STAG1: variants seen among roughly 807,000 people sequenced by gnomAD.
STAG1 encodes the protein STAG1 cohesin complex component.
A neutral mutation model predicts 170.9 loss-of-function variants in STAG1; 26 were observed. The observed-to-expected ratio is 0.15, with a 90% CI of 0.11 to 0.21. STAG1 has a LOEUF of 0.21. Ranked by LOEUF, STAG1 falls within the 10% of genes least tolerant of loss-of-function variation. The pLI, the probability that STAG1 is intolerant of heterozygous loss-of-function variation, is 1.00. For synonymous variants in STAG1, 514 were observed against 497.7 expected (o/e 1.03, Z -0.44); for missense variants, 964 against 1,509.5 (o/e 0.64, Z 5.99).
chr3:136,381,245 A>T (rs767540284), intron 22 of STAG1, among the ~76,000 whole-genome samples: 3 of 152,102 alleles, frequency 2.0e-5, no homozygotes, highest in Non-Finnish European at 4.4e-5. Context: ...AGTGGATGAG[A>T]CTGCTCAAGG....
intron 29 of STAG1, among the ~76,000 whole-genome samples, chr3:136,348,219 T>C (rs1302233722): frequency 1.3e-5 from 2 of 151,912 alleles, no homozygotes; most frequent in African/African-American, 4.8e-5. Flanking sequence ...TTTGAGAAAA[T>C]AAGCATTTTT....
intron 9 of STAG1, among the ~76,000 whole-genome samples, chr3:136,487,223 T>C (rs2090035911): frequency 6.6e-6 from 1 of 152,152 alleles, no homozygotes; most frequent in Non-Finnish European, 1.5e-5. Flanking sequence ...AGTGAAAATA[T>C]ACGGTGTTTG....
At chr3:136,739,239 G>A (rs1214416993) in intron 1 of STAG1, among the ~76,000 whole-genome samples, 1 of 152,100 alleles carries the variant, frequency 6.6e-6, no homozygotes, top group Non-Finnish European at 1.5e-5. Context: ...CACACTGGGT[G>A]AGGCTCGGTG....
At chr3:136,535,636 C>T (rs1476212417) in intron 6 of STAG1, among the ~76,000 whole-genome samples, 2 of 152,134 alleles carry the variant, frequency 1.3e-5, no homozygotes, top group Non-Finnish European at 2.9e-5. Flanking sequence ...GCACTCCAGC[C>T]TAGGCAACAA....
At chr3:136,631,793 G>A (rs564175733) in intron 1 of STAG1, among the ~76,000 whole-genome samples, 4 of 152,140 alleles carry the variant, frequency 2.6e-5, no homozygotes, top group South Asian at 2.1e-4. Flanking sequence ...CCATTATACC[G>A]TATCAAATGG....
intron 4 of STAG1, among the ~76,000 whole-genome samples, chr3:136,580,392 CA>C (rs1937565749): frequency 6.6e-6 from 1 of 151,846 alleles, no homozygotes. Context: ...ACAATATTAA[CA>C]TCAAGTTAGT....
At position 136,571,678 on chromosome 3, in the gene STAG1, C is replaced by T. The variant is rs2107765504; in HGVS notation, c.298-2817G>A. On this transcript the variant is annotated intron_variant, in intron 4 of 33. Transcript: ENST00000383202. ...CTTGAGGCCAGGAGTTCAAGACCAGCCTGGGCAACATACAAAGACCCTCAT... is the reference window on the plus strand; with the variant it reads ...CTTGAGGCCAGGAGTTCAAGACCAGTCTGGGCAACATACAAAGACCCTCAT... Among the ~76,000 whole-genome samples, 2 of 152,044 alleles carry T rather than the reference C, an allele frequency of 1.3e-5. 1 individual carries two copies. Among genetic ancestry groups the T allele is most frequent in the South Asian group, 4.2e-4 (2 of 4,802 alleles).
chr3:136,706,285 T>C (rs953126954), intron 1 of STAG1, among the ~76,000 whole-genome samples: 1 of 152,302 alleles, frequency 6.6e-6, no homozygotes, highest in Admixed American at 6.5e-5. Flanking sequence ...TTGGAAAGGA[T>C]GAAGTGTAAC....
intron 4 of STAG1, among the ~76,000 whole-genome samples, chr3:136,577,962 AG>A (rs1240736419): frequency 6.6e-6 from 1 of 152,186 alleles, no homozygotes; most frequent in Non-Finnish European, 1.5e-5. Context: ...GAGATACCAG[AG>A]CCTCCCTGGC....
chr3:136,612,466 T>C (rs1233307984), intron 3 of STAG1, among the ~76,000 whole-genome samples: 2 of 151,492 alleles, frequency 1.3e-5, no homozygotes, highest in African/African-American at 2.4e-5. Flanking sequence ...AATTTATCAA[T>C]TGACAAGAAA....
chr3:136,739,246 G>A (rs1202142986), intron 1 of STAG1, among the ~76,000 whole-genome samples: 14 of 150,296 alleles, frequency 9.3e-5, no homozygotes, highest in South Asian at 2.1e-4. Flanking sequence ...GGTGAGGCTC[G>A]GTGGCTCACA....
At chr3:136,582,524 C>T (rs918110645) in intron 4 of STAG1, among the ~76,000 whole-genome samples, 3 of 152,176 alleles carry the variant, frequency 2.0e-5, no homozygotes, top group Non-Finnish European at 4.4e-5. Context: ...CCAGGCTGGG[C>T]ACGGTGGCTC....
chr3:136,561,788 G>A (rs892170329), intron 5 of STAG1, among the ~76,000 whole-genome samples: 2 of 151,108 alleles, frequency 1.3e-5, no homozygotes, highest in Non-Finnish European at 2.9e-5. Context: ...GATTTCCCTT[G>A]AGCATGACGC....
At chr3:136,418,791 G>A (rs1031248909) in intron 20 of STAG1, among the ~76,000 whole-genome samples, 5 of 151,958 alleles carry the variant, frequency 3.3e-5, no homozygotes, top group South Asian at 2.1e-4. Context: ...ACAGGTGTGC[G>A]CCATGACACC....
chr3:136,711,056 G>GAA (rs995028492), intron 1 of STAG1, among the ~76,000 whole-genome samples: 20 of 148,330 alleles, frequency 1.3e-4, no homozygotes, highest in South Asian at 4.2e-4. Context: ...CTTACAAAAA[G>GAA]AAAAATATAT....
chr3:136,408,835 A>C (rs1419332274), intron 21 of STAG1, among the ~76,000 whole-genome samples: 1 of 152,216 alleles, frequency 6.6e-6, no homozygotes, highest in Non-Finnish European at 1.5e-5. Context: ...GGATAGAAGA[A>C]TACTAAAAGG....
At chr3:136,477,558 T>C (rs1208511095) in intron 9 of STAG1, 146 bp from the exon 10 acceptor site, 2 of 648,580 alleles carry the variant, frequency 3.1e-6, no homozygotes, top group East Asian at 5.9e-5. Context: ...ATCTTCTGTT[T>C]TTCATGTTTT....
At chr3:136,611,418 G>C (rs563771680) in intron 3 of STAG1, among the ~76,000 whole-genome samples, 75 of 152,024 alleles carry the variant, frequency 4.9e-4, no homozygotes, top group Non-Finnish European at 3.2e-4. Flanking sequence ...CAAAGTGCTG[G>C]GATTACAGGT....
intron 5 of STAG1, among the ~76,000 whole-genome samples, chr3:136,562,825 TG>T (rs1358918379): frequency 3.3e-5 from 5 of 152,122 alleles, no homozygotes; most frequent in Non-Finnish European, 5.9e-5. Flanking sequence ...TGACCTCAGG[TG>T]ATCTGCCCGC....
Sources: allele counts gnomAD v4.1 joint callset (sites outside exome capture counted in the v4.1 genomes callset), GRCh38; gene constraint gnomAD v4.1.1; transcripts MANE v1.5; gene names NCBI Gene and HGNC (gene_info 2026-07-23, HGNC 2026-07-21).